Variants in ARMC9 observed in about 807,000 individuals in gnomAD.
ARMC9 encodes lisH domain-containing protein ARMC9.
Under a neutral mutation model 107.0 loss-of-function variants are expected in ARMC9, and 94 were observed. The ratio of observed to expected loss-of-function variants is 0.88; its 90% CI spans 0.74 to 1.04. The LOEUF is 1.04. ARMC9 is among the 50% of genes least tolerant of loss of function. The probability of loss-of-function intolerance (pLI) is 0.00; values close to 1 mark genes in which losing one functional copy is unlikely to be tolerated. For missense variants in ARMC9, 942 were observed against 1,030.1 expected, an observed-to-expected ratio of 0.91 and a Z score of 1.17; for synonymous variants, 380 against 396.9, an observed-to-expected ratio of 0.96 and a Z score of 0.51.
At chr2:231,337,825 T>TA (rs2044236571) in intron 20 of ARMC9, among the ~76,000 whole-genome samples, 1 of 152,242 alleles carries the variant, frequency 6.6e-6, no homozygotes, top group Non-Finnish European at 1.5e-5. Flanking sequence ...ATTTGTTTCT[T>TA]ATTCTTTTTT....
rs990863975 is a variant in ARMC9, at chr2:231,361,940, T to C, written c.2261+1057T>C. Among the ~76,000 whole-genome samples the C allele has an allele frequency of 1.9e-4, 29 of 151,970 alleles. 1 individual carries two copies. The highest frequency in any genetic ancestry group is 1.8e-3 in the Admixed American group (27 of 15,250). ...GTAAGAGAAAGGGGGCGCAGACAAGTGTGCTGAGCTTCCTTGGGTGGGATG... is the reference window on the plus strand; with the variant it reads ...GTAAGAGAAAGGGGGCGCAGACAAGCGTGCTGAGCTTCCTTGGGTGGGATG... On this transcript the variant is annotated intron_variant, in intron 23 of 24. Transcript: ENST00000611582.
intron 19 of ARMC9, among the ~76,000 whole-genome samples, chr2:231,317,324 C>T (rs370809607): frequency 4.5e-4 from 69 of 152,218 alleles, no homozygotes; most frequent in African/African-American, 1.5e-3. Flanking sequence ...GCGCCTGCCA[C>T]CATGCCTGGC....
rs58078324 is a variant in ARMC9, at chr2:231,337,290, A to ATTTTT, written c.1878+5414_1878+5418dup. Among the ~76,000 whole-genome samples, 72 of 38,018 alleles carry ATTTTT rather than the reference A, an allele frequency of 1.9e-3. 1 individual carries two copies. The highest frequency in any genetic ancestry group is 7.1e-3 in the East Asian group (8 of 1,130). 24.9% of individuals were successfully genotyped at this position (38,018 alleles called of 152,430 possible). ...TGTGTGTATATATATATATATATAT[A>ATTTTT]TTTTTTTTTTTTTTTTTTTTTTTTT... On this transcript the variant is annotated intron_variant, in intron 20 of 24. Coordinates refer to ENST00000611582, the MANE Select transcript of ARMC9 (RefSeq NM_001352754.2).
chr2:231,370,456 G>C, intron 24 of ARMC9: 1 of 250,608 alleles, frequency 4.0e-6, no homozygotes, highest in South Asian at 1.5e-4. Context: ...AGTTGGCCCT[G>C]AGCTGGCCCT....
chr2:231,215,163 C>A, intron 4 of ARMC9, 162 bp downstream of exon 4: 1 of 683,056 alleles, frequency 1.5e-6, no homozygotes, highest in Non-Finnish European at 2.3e-6. Flanking sequence ...CTACTGTATT[C>A]CCAGCAGTTT....
chr2:231,282,273 T>C (rs2040274862), intron 17 of ARMC9, 140 bp downstream of exon 17: 1 of 813,420 alleles, frequency 1.2e-6, no homozygotes, highest in Non-Finnish European at 2.0e-6. Flanking sequence ...GTAAAATGTA[T>C]ATTTGCCATT....
At chr2:231,199,674 T>C (rs895354957) in intron 1 of ARMC9, among the ~76,000 whole-genome samples, 1 of 152,220 alleles carries the variant, frequency 6.6e-6, no homozygotes, top group Non-Finnish European at 1.5e-5. Context: ...TATAAAAGTT[T>C]AGAGAAAATT....
intron 19 of ARMC9, among the ~76,000 whole-genome samples, chr2:231,323,566 G>A (rs1230442820): frequency 6.6e-6 from 1 of 152,132 alleles, no homozygotes; most frequent in Non-Finnish European, 1.5e-5. Context: ...CAAGCCCTAA[G>A]GATGCCTCCG....
intron 19 of ARMC9, among the ~76,000 whole-genome samples, chr2:231,318,372 T>G (rs565789281): frequency 6.6e-6 from 1 of 152,218 alleles, no homozygotes; most frequent in East Asian, 1.9e-4. Flanking sequence ...AGGAATACAT[T>G]TGCAAGCACA....
At chr2:231,280,398 T>A (rs573455529) in intron 16 of ARMC9, among the ~76,000 whole-genome samples, 2 of 152,138 alleles carry the variant, frequency 1.3e-5, no homozygotes, top group South Asian at 4.2e-4. Flanking sequence ...GTGGAGGTTG[T>A]AGTGAGCTGA....
intron 9 of ARMC9, among the ~76,000 whole-genome samples, chr2:231,240,969 G>A (rs985589865): frequency 1.2e-4 from 18 of 152,294 alleles, no homozygotes; most frequent in Non-Finnish European, 2.5e-4. Context: ...GGAGGCCAAG[G>A]CGGGTGGATC....
Position 231,240,233 on chromosome 2 carries a change from G to T in ARMC9, c.879+192G>T, listed in dbSNP as rs1019562797. 9.9e-6 allele frequency: 6 copies of T among 604,554 alleles called. No individual in the cohort carries two copies. The African/African-American group carries it at 1.1e-4, about 11-fold the overall frequency. The allele number at this position is 604,554 out of a possible 1,614,324, so 37.4% of individuals were successfully genotyped here. A position where few individuals can be genotyped will look rare whatever the true frequency, so the allele number is the denominator to read the frequency against. Reference sequence around the variant, plus strand: ...GGTACAGCTGAAAGCTGGCCTCCTAGGGAGGGTGAGGAGAGAGGCGTGTTC... The same window carrying T: ...GGTACAGCTGAAAGCTGGCCTCCTATGGAGGGTGAGGAGAGAGGCGTGTTC... On this transcript the variant is annotated intron_variant, in intron 9 of 24. Transcript: ENST00000611582.
chr2:231,371,625 G>C lies in ARMC9; in HGVS notation c.*90G>C. ...AGCAGCTGCCGGTGATGGATGTGAA[G>C]GGACAGTTGTCCACAAGACTCTGGG... On this transcript the variant is annotated 3_prime_UTR_variant, in exon 25 of 25. Coordinates refer to ENST00000611582, the MANE Select transcript of ARMC9 (RefSeq NM_001352754.2). The C allele has an allele frequency of 2.6e-6, 3 of 1,175,602 alleles. No homozygotes were observed. The highest frequency in any genetic ancestry group is 3.2e-6 in the Non-Finnish European group (3 of 935,820). 72.8% of individuals were successfully genotyped at this position (1,175,602 alleles called of 1,614,324 possible). A position where few individuals can be genotyped will look rare whatever the true frequency, so the allele number is the denominator to read the frequency against.
At chr2:231,363,207 G>A (rs111694456) in intron 23 of ARMC9, among the ~76,000 whole-genome samples, 26 of 152,368 alleles carry the variant, frequency 1.7e-4, no homozygotes, top group African/African-American at 6.3e-4. Context: ...GGTGGTTAGA[G>A]TACTTGTTGA....
At chr2:231,324,424 C>T (rs528183149) in intron 19 of ARMC9, among the ~76,000 whole-genome samples, 213 of 144,680 alleles carry the variant, frequency 1.5e-3, no homozygotes, top group Non-Finnish European at 2.7e-3. Flanking sequence ...CTATAAAGTA[C>T]GTTTAATTAA....
At position 231,360,076 on chromosome 2, in the gene ARMC9, G is replaced by C. The variant is rs1228721985; in HGVS notation, c.2132-678G>C. 6.6e-6 allele frequency among the ~76,000 whole-genome samples: 1 copy of C among 152,156 alleles called. No homozygotes were observed. Among genetic ancestry groups the C allele is most frequent in the African/African-American group, 2.4e-5 (1 of 41,440 alleles). The stretch of plus-strand genomic sequence containing the variant: ...GAAGAGGAGAGGCGGGGTGGGGGAA[G>C]GGGTGCGTGGCATCTGAGATGCAGG... On this transcript the variant is annotated intron_variant, in intron 22 of 24. Coordinates refer to ENST00000611582, the MANE Select transcript of ARMC9 (RefSeq NM_001352754.2). This position sits in a 1 kb window ranked among gnomAD's most constrained non-coding sequence, Gnocchi z 4.7.
At chr2:231,331,350 T>G (rs1311300757) in intron 19 of ARMC9, among the ~76,000 whole-genome samples, 5 of 152,190 alleles carry the variant, frequency 3.3e-5, no homozygotes, top group African/African-American at 1.2e-4. Flanking sequence ...TGCTGCCCTT[T>G]TTGCTGAGTC....
At chr2:231,214,306 C>T (rs1360533713) in intron 3 of ARMC9, among the ~76,000 whole-genome samples, 2 of 152,298 alleles carry the variant, frequency 1.3e-5, no homozygotes, top group East Asian at 3.9e-4. Flanking sequence ...GCCTGGTGTG[C>T]TTCTAGCAAT....
intron 20 of ARMC9, among the ~76,000 whole-genome samples, chr2:231,341,165 C>T (rs1260973157): frequency 1.3e-5 from 2 of 152,128 alleles, no homozygotes; most frequent in African/African-American, 2.4e-5. Context: ...GCACTCCAGC[C>T]TAGGTGGCAG....
Sources: allele counts gnomAD v4.1 joint callset (sites outside exome capture counted in the v4.1 genomes callset), GRCh38; gene constraint gnomAD v4.1.1; non-coding constraint Gnocchi (gnomAD v3.1); transcripts MANE v1.5; gene names NCBI Gene and HGNC (gene_info 2026-07-23, HGNC 2026-07-21).